The following FAM107B variants were observed in gnomAD, a reference collection of about 807,000 sequenced individuals.
FAM107B encodes protein FAM107B.
Under a neutral mutation model 31.5 loss-of-function variants are expected in FAM107B, and 21 were observed. The ratio of observed to expected loss-of-function variants is 0.67; its 90% CI spans 0.47 to 0.96. The LOEUF is 0.96. Among genes scored for constraint, FAM107B ranks in the 40% least tolerant of loss-of-function variants. The pLI, the probability that FAM107B is intolerant of heterozygous loss-of-function variation, is 0.00. For missense variants in FAM107B, 452 were observed against 377.1 expected (o/e 1.20, Z -1.64); for synonymous variants, 157 against 141.5 (o/e 1.11, Z -0.78).
intron 1 of FAM107B, among the ~76,000 whole-genome samples, chr10:14,770,975 T>TAAAAAAAAAA (rs56378196): frequency 5.1e-5 from 3 of 58,922 alleles, no homozygotes; most frequent in African/African-American, 9.8e-5. Context: ...GAGGCTGAAC[T>TAAAAAAAAAA]AAAAAAAAAA....
In FAM107B at chr10:14,520,423, A is replaced by C. The variant is rs993254442; in HGVS notation, c.*767T>G. 1 of 152,400 alleles carries C rather than the reference A, an allele frequency of 6.6e-6. No homozygotes were observed. Among genetic ancestry groups the C allele is most frequent in the Admixed American group, 6.5e-5 (1 of 15,312 alleles). The allele number at this position is 152,400 out of a possible 1,614,324, so 9.4% of individuals were successfully genotyped here. Reference sequence around the variant, plus strand: ...CATCTGAAAGAACTAGATCAGCAAGACATTTAAAAACAAAACTGAACAGAA... The same window carrying C: ...CATCTGAAAGAACTAGATCAGCAAGCCATTTAAAAACAAAACTGAACAGAA... On this transcript the variant is annotated 3_prime_UTR_variant, in exon 5 of 5. Transcript: ENST00000181796.
At chr10:14,589,754 C>T (rs1300826242) in intron 2 of FAM107B, among the ~76,000 whole-genome samples, 1 of 151,996 alleles carries the variant, frequency 6.6e-6, no homozygotes. Context: ...CACCGTGGCA[C>T]ATGTATACCT....
intron 1 of FAM107B, among the ~76,000 whole-genome samples, chr10:14,702,858 A>C (rs1855432749): frequency 6.6e-6 from 1 of 152,148 alleles, no homozygotes; most frequent in African/African-American, 2.4e-5. Context: ...CAGAAAGACC[A>C]GACAGACCCA....
intron 2 of FAM107B, among the ~76,000 whole-genome samples, chr10:14,634,566 C>G (rs1367820617): frequency 6.6e-6 from 1 of 151,922 alleles, no homozygotes; most frequent in Admixed American, 6.6e-5. Flanking sequence ...AATTAACTCT[C>G]CCACAGAAAA....
At chr10:14,616,775 A>G (rs761803690) in intron 2 of FAM107B, among the ~76,000 whole-genome samples, 1 of 152,088 alleles carries the variant, frequency 6.6e-6, no homozygotes, top group African/African-American at 2.4e-5. Context: ...AAATACAAAA[A>G]TTAGCTGGGT....
intron 2 of FAM107B, among the ~76,000 whole-genome samples, chr10:14,536,718 C>T (rs1033697346): frequency 3.3e-5 from 5 of 152,166 alleles, no homozygotes; most frequent in South Asian, 4.1e-4. Flanking sequence ...GGCTTAGAAA[C>T]GACGTCCCAC....
intron 2 of FAM107B, among the ~76,000 whole-genome samples, chr10:14,543,196 A>G (rs1292044402): frequency 6.6e-6 from 1 of 152,224 alleles, no homozygotes; most frequent in Non-Finnish European, 1.5e-5. Context: ...AGTGTCACCC[A>G]GTGGTAAAAG....
intron 1 of FAM107B, among the ~76,000 whole-genome samples, chr10:14,716,300 G>T (rs1855777784): frequency 6.6e-6 from 1 of 152,190 alleles, no homozygotes; most frequent in Admixed American, 6.5e-5. Flanking sequence ...CCAGGACCAT[G>T]GTCATCTGAA....
intron 1 of FAM107B, among the ~76,000 whole-genome samples, chr10:14,692,576 T>A (rs1855164937): frequency 6.6e-6 from 1 of 152,260 alleles, no homozygotes; most frequent in Non-Finnish European, 1.5e-5. Flanking sequence ...TCTACCTTAC[T>A]TTCCCCTTCT....
chr10:14,711,279 T>C (rs1006938491), intron 1 of FAM107B, among the ~76,000 whole-genome samples: 7 of 152,236 alleles, frequency 4.6e-5, no homozygotes, highest in Non-Finnish European at 8.8e-5. Flanking sequence ...TAGTATGCAG[T>C]AATGTCCTAG....
chr10:14,744,917 T>C (rs1438313355), intron 1 of FAM107B, among the ~76,000 whole-genome samples: 3 of 152,186 alleles, frequency 2.0e-5, no homozygotes, highest in Non-Finnish European at 4.4e-5. Flanking sequence ...TGTTTTTTGT[T>C]TTTGTTTGTT....
intron 1 of FAM107B, among the ~76,000 whole-genome samples, chr10:14,727,612 T>G (rs78055852): frequency 0.02 from 3,118 of 152,348 alleles, 57 homozygotes; most frequent in Non-Finnish European, 0.028. Context: ...AGTGGGATAA[T>G]TCTGAGACAT....
intron 1 of FAM107B, among the ~76,000 whole-genome samples, chr10:14,688,730 C>T (rs2948721): frequency 0.7 from 106,206 of 151,940 alleles, 37,364 homozygotes; most frequent in Middle Eastern, 0.8. Context: ...GTAAACAGAG[C>T]TTCCATTTTC....
intron 2 of FAM107B, among the ~76,000 whole-genome samples, chr10:14,662,408 G>T (rs569357806): frequency 1.1e-4 from 15 of 140,400 alleles, no homozygotes; most frequent in African/African-American, 3.7e-4. Context: ...ACAGGGTCTC[G>T]CTCTCTCACC....
intron 1 of FAM107B, among the ~76,000 whole-genome samples, chr10:14,713,434 A>G (rs1324160636): frequency 6.6e-6 from 1 of 152,212 alleles, no homozygotes; most frequent in Non-Finnish European, 1.5e-5. Context: ...TCTGTGACCC[A>G]GGGACAGTCT....
chr10:14,620,520 A>G (rs576042329), intron 2 of FAM107B, among the ~76,000 whole-genome samples: 4 of 149,626 alleles, frequency 2.7e-5, no homozygotes, highest in Admixed American at 2.0e-4. Flanking sequence ...ATTTTTTTCA[A>G]AATGCTTACT....
chr10:14,749,702 T>C lies in FAM107B; in HGVS notation c.411+24551A>G, dbSNP rs567976529. On this transcript the variant is annotated intron_variant, in intron 1 of 4. Coordinates refer to ENST00000181796, the MANE Select transcript of FAM107B (RefSeq NM_031453.4). Reference sequence around the variant, plus strand: ...CCTCTATCTGGACCATCTCTCCCCATTGCCCTCTTCCATCCCAGGGAGCAG... The same window carrying C: ...CCTCTATCTGGACCATCTCTCCCCACTGCCCTCTTCCATCCCAGGGAGCAG... 3.3e-5 allele frequency among the ~76,000 whole-genome samples: 5 copies of C among 152,196 alleles called. No individual in the cohort carries two copies. In the East Asian group the frequency reaches 7.7e-4, roughly 24 times the overall value.
chr10:14,718,637 AC>A (rs1328652186), intron 1 of FAM107B, among the ~76,000 whole-genome samples: 1 of 152,200 alleles, frequency 6.6e-6, no homozygotes, highest in East Asian at 1.9e-4. Context: ...GAATGCACCA[AC>A]CAACTGAAGA....
rs548618461 is a variant in FAM107B, at chr10:14,595,533, C to G, written c.470-65018G>C. On this transcript the variant is annotated intron_variant, in intron 2 of 4. Transcript: ENST00000181796. ...CTCCGCCTCCTGAGTTCGAGCGATT[C>G]TCCTGCATCAGCCTCCCAAGTAGCT... Among the ~76,000 whole-genome samples the G allele has an allele frequency of 9.5e-4, 140 of 147,308 alleles. 2 individuals carry two copies. The highest frequency in any genetic ancestry group is 2.6e-3 in the Admixed American group (36 of 14,086).
Sources: gnomAD v4.1 joint callset for allele counts (sites outside exome capture counted in the v4.1 genomes callset) on GRCh38, gnomAD v4.1.1 for gene constraint, MANE v1.5 for transcripts, NCBI Gene and HGNC (gene_info 2026-07-23, HGNC 2026-07-21) for gene names.